TMEM62: variants seen among roughly 807,000 people sequenced by gnomAD.
TMEM62 encodes the protein transmembrane protein 62.
Under a neutral mutation model 70.4 loss-of-function variants are expected in TMEM62, and 41 were observed. The observed-to-expected ratio is 0.58, with a 90% CI of 0.45 to 0.76. The LOEUF (loss-of-function observed/expected upper bound fraction) is 0.76. TMEM62 is among the 30% of genes least tolerant of loss of function. The pLI, the probability that TMEM62 is intolerant of heterozygous loss-of-function variation, is 0.00. For missense variants in TMEM62, 688 were observed against 788.5 expected, an observed-to-expected ratio of 0.87 and a Z score of 1.53; for synonymous variants, 268 against 291.0, an observed-to-expected ratio of 0.92 and a Z score of 0.80.
At position 43,154,704 on chromosome 15, in the gene TMEM62, C is replaced by G. The variant is rs1255198487; in HGVS notation, c.1055C>G (p.Ser352Cys). ...GCCTTTTCCTTATCCTCCATTACTT[C>G]TGTCACAGTTAAGATTGATGGAGTT... ...VLAFSLSSIT[S>C]VTVKIDGVHL... The change falls in exon 9 of 14, where the codon TCT (serine) becomes TGT (cysteine). Residue 352 changes from serine (S) to cysteine (C), a missense_variant. By Grantham distance (112) the Ser-to-Cys change is moderately radical. Coordinates refer to ENST00000260403, the MANE Select transcript of TMEM62 (RefSeq NM_024956.4). 3 of 1,612,388 alleles carry G rather than the reference C, an allele frequency of 1.9e-6. No homozygotes were observed. The African/African-American group carries it at 4.0e-5, about 22-fold the overall frequency.
intron 11 of TMEM62, 33 bp from the exon 12 acceptor site, chr15:43,178,574 G>C (rs377519656): frequency 1.4e-5 from 20 of 1,386,446 alleles, no homozygotes; most frequent in Non-Finnish European, 2.0e-5. Context: ...CTTTGCATGT[G>C]TTCACTGGGT....
Position 43,148,835 on chromosome 15 carries a change from A to C in TMEM62, c.699A>C (p.Thr233=). Reference sequence around the variant, plus strand: ...CAATTTGGTTTGGACACTTTACAACATCCACTATTCTTTCTCCATCACCAG... The same window carrying C: ...CAATTTGGTTTGGACACTTTACAACCTCCACTATTCTTTCTCCATCACCAG... ...NHTIWFGHFT[T]STILSPSPGI... is the part of the protein sequence containing the mutation. The change falls in exon 6 of 14, where the codon ACA becomes ACC. Residue 233 remains threonine, a synonymous_variant. Coordinates refer to ENST00000260403, the MANE Select transcript of TMEM62 (RefSeq NM_024956.4). 1 of 1,614,122 alleles carries C rather than the reference A, an allele frequency of 6.2e-7. No homozygotes were observed.
intron 5 of TMEM62, among the ~76,000 whole-genome samples, chr15:43,147,151 AG>A (rs986073261): frequency 3.3e-5 from 5 of 152,128 alleles, no homozygotes; most frequent in African/African-American, 1.2e-4. Flanking sequence ...TTTAGTAGAA[AG>A]GGGGTTTCGC....
In TMEM62 at chr15:43,133,833, GC is replaced by G; in HGVS notation, c.32del (p.Ala11GlyfsTer56). On this transcript the variant is annotated frameshift_variant, in exon 1 of 14. Transcript: ENST00000260403. LOFTEE classifies it high-confidence loss of function. ...TGCAGTGCTGGCTCTCAGGGTGGTC[GC>G]GGGGTTGGCGGCCGCAGCGCTGGTG... Reference protein sequence around the residue: MAAVLALRVVAGLAAAALVAM... With the variant: MAAVLALRVVXGLAAAALVAM... 6.9e-7 allele frequency: 1 copy of G among 1,454,354 alleles called. No homozygotes were observed. The highest frequency in any genetic ancestry group is 1.5e-5 in the African/African-American group (1 of 67,672). 90.1% of individuals were successfully genotyped at this position (1,454,354 alleles called of 1,614,324 possible).
intron 10 of TMEM62, among the ~76,000 whole-genome samples, chr15:43,167,137 C>T (rs1173787425): frequency 7.9e-5 from 12 of 151,222 alleles, no homozygotes; most frequent in African/African-American, 1.7e-4. Context: ...CCTCACCTCC[C>T]GGACTGGGCG....
chr15:43,172,817 A>C (rs776841166), intron 11 of TMEM62, among the ~76,000 whole-genome samples: 12 of 152,266 alleles, frequency 7.9e-5, no homozygotes, highest in Non-Finnish European at 1.6e-4. Context: ...AAATAAAAAC[A>C]TATAGACTAT....
chr15:43,153,822 CA>C (rs1567201149), intron 8 of TMEM62, among the ~76,000 whole-genome samples: 1 of 152,174 alleles, frequency 6.6e-6, no homozygotes, highest in East Asian at 1.9e-4. Context: ...GATAACGGTT[CA>C]AGTCCCTGCT....
At chr15:43,161,887 C>T (rs920237451) in intron 10 of TMEM62, among the ~76,000 whole-genome samples, 2 of 152,120 alleles carry the variant, frequency 1.3e-5, no homozygotes, top group Non-Finnish European at 2.9e-5. Context: ...GTCTCGAACT[C>T]CTGACCTCAG....
chr15:43,146,609 A>G lies in TMEM62; in HGVS notation c.593A>G (p.Tyr198Cys), dbSNP rs1567188998. 3.7e-6 allele frequency: 6 copies of G among 1,606,094 alleles called. No individual in the cohort carries two copies. Among genetic ancestry groups the G allele is most frequent in the Non-Finnish European group, 5.1e-6 (6 of 1,177,862 alleles). The part of the protein sequence containing the change: ...ATVNPGPKRP[Y>C]NFFGILDKKK... The stretch of plus-strand genomic sequence containing the variant: ...GTAAATCCAGGGCCTAAGAGACCCT[A>G]TAATTTCTTTGGAATTTTAGATAAG... Residue 198 changes from tyrosine to cysteine, a missense_variant, in exon 5 of 14, where the codon TAT (tyrosine) becomes TGT (cysteine). Coordinates refer to ENST00000260403, the MANE Select transcript of TMEM62 (RefSeq NM_024956.4).
At chr15:43,177,214 A>G (rs1255386997) in intron 11 of TMEM62, among the ~76,000 whole-genome samples, 1 of 152,162 alleles carries the variant, frequency 6.6e-6, no homozygotes, top group Admixed American at 6.5e-5. Context: ...CTATGTGAAA[A>G]GAAGACACTT....
Position 43,134,258 on chromosome 15 carries a change from T to G in TMEM62, c.182T>G (p.Ile61Arg). The change falls in exon 2 of 14, where the codon ATA becomes AGA. Residue 61 changes from isoleucine (I) to arginine (R), a missense_variant and splice_region_variant. Physicochemically the swap from Ile to Arg is moderately conservative, Grantham distance 97 (BLOSUM62 -3). Transcript: ENST00000260403. The stretch of plus-strand genomic sequence containing the variant: ...CTGTTCAATACCTGTTTTCGGCAGA[T>G]ATCCGACATTCACCTGAGCAGGTTT... ...GDSNIFWGLQ[I>R]SDIHLSRFRD... is the part of the protein sequence containing the mutation. 1 of 1,614,044 alleles carries G rather than the reference T, an allele frequency of 6.2e-7. No homozygotes were observed. The highest frequency in any genetic ancestry group is 8.5e-7 in the Non-Finnish European group (1 of 1,179,914).
chr15:43,135,289 G>C (rs2035055420), intron 2 of TMEM62, among the ~76,000 whole-genome samples: 1 of 152,140 alleles, frequency 6.6e-6, no homozygotes, highest in South Asian at 2.1e-4. Flanking sequence ...TATCACAGGA[G>C]ATTGAACAGG....
rs760541113 is a variant in TMEM62 at position 43,134,383 on chromosome 15, C to T, written c.292+15C>T. 2.5e-6 allele frequency: 4 copies of T among 1,594,578 alleles called. No homozygotes were observed. The highest frequency in any genetic ancestry group is 1.7e-4 in the Middle Eastern group (1 of 5,884). The stretch of plus-strand genomic sequence containing the variant: ...CCTAGCAACAGGTAGGGAGGCTTGC[C>T]GTGCTGTGGTGGTGGTCTGTGGTCC... On this transcript the variant is annotated intron_variant, in intron 2 of 13. Coordinates refer to ENST00000260403, the MANE Select transcript of TMEM62 (RefSeq NM_024956.4).
At chr15:43,154,032 A>C (rs2037737011) in intron 8 of TMEM62, among the ~76,000 whole-genome samples, 2 of 152,252 alleles carry the variant, frequency 1.3e-5, no homozygotes, top group Non-Finnish European at 2.9e-5. Flanking sequence ...TATGAATGCC[A>C]AATTCACAAT....
chr15:43,182,210 T>C (rs1208288701), intron 13 of TMEM62, among the ~76,000 whole-genome samples: 1 of 152,222 alleles, frequency 6.6e-6, no homozygotes, highest in Non-Finnish European at 1.5e-5. Context: ...TTCTTTATTT[T>C]ACTCACCTAA....
intron 5 of TMEM62, among the ~76,000 whole-genome samples, chr15:43,147,716 G>A (rs2036851305): frequency 6.6e-6 from 1 of 152,134 alleles, no homozygotes; most frequent in South Asian, 2.1e-4. Flanking sequence ...TATCTATCAA[G>A]TGTCTTTAGT....
chr15:43,157,933 AT>A (rs978805255), intron 9 of TMEM62, among the ~76,000 whole-genome samples: 3 of 152,102 alleles, frequency 2.0e-5, no homozygotes, highest in African/African-American at 7.2e-5. Flanking sequence ...CTTACATTCT[AT>A]TTAACCGACT....
intron 8 of TMEM62, among the ~76,000 whole-genome samples, chr15:43,153,807 G>A (rs2037707638): frequency 6.6e-6 from 1 of 152,138 alleles, no homozygotes; most frequent in Admixed American, 6.5e-5. Context: ...GAATATGAGT[G>A]TACAGATAAC....
At position 43,138,619 on chromosome 15, in the gene TMEM62, G is replaced by A. The variant is rs759223355; in HGVS notation, c.476G>A (p.Arg159Lys). 1 of 1,598,908 alleles carries A rather than the reference G, an allele frequency of 6.3e-7. No homozygotes were observed. Residue 159 changes from arginine to lysine, a missense_variant and splice_region_variant, in exon 4 of 14, where the codon AGG becomes AAG. By Grantham distance (26) the Arg-to-Lys change is conservative. Coordinates refer to ENST00000260403, the MANE Select transcript of TMEM62 (RefSeq NM_024956.4). ...PSLDSIKNYY[R>K]KYSAVRRDGS... ...CTGGACAGCATCAAGAATTATTACA[G>A]GTACTGTAATAAACAGAAGACAGAC...
Sources: gnomAD v4.1 joint callset for allele counts (sites outside exome capture counted in the v4.1 genomes callset) on GRCh38, gnomAD v4.1.1 for gene constraint, MANE v1.5 for transcripts, NCBI Gene and HGNC (gene_info 2026-07-23, HGNC 2026-07-21) for gene names.